Variants in ADGB observed in about 807,000 individuals in gnomAD.
The protein encoded by ADGB is androglobin, also known as calpain-7-like protein.
Under a neutral mutation model 210.5 loss-of-function variants are expected in ADGB, and 172 were observed. The observed-to-expected ratio is 0.82, with a 90% confidence interval of 0.72 to 0.93. ADGB has a LOEUF of 0.93. ADGB is among the 40% of genes least tolerant of loss of function. ADGB has a pLI of 0.00. For missense variants in ADGB, 2,025 were observed against 1,964.8 expected (o/e 1.03, Z -0.58); for synonymous variants, 658 against 662.7 (o/e 0.99, Z 0.11).
At chr6:146,694,727 A>G (rs959760616) in intron 12 of ADGB, among the ~76,000 whole-genome samples, 3 of 152,144 alleles carry the variant, frequency 2.0e-5, no homozygotes, top group African/African-American at 7.2e-5. Context: ...TTATATATGC[A>G]CCACTCCATT....
chr6:146,631,979 CA>C (rs1427921651), intron 1 of ADGB, among the ~76,000 whole-genome samples: 3 of 144,228 alleles, frequency 2.1e-5, no homozygotes, highest in African/African-American at 8.0e-5. Flanking sequence ...AAAAAAAAAA[CA>C]AAAAAAACCT....
At chr6:146,719,263 T>C (rs1409897963) in intron 16 of ADGB, among the ~76,000 whole-genome samples, 1 of 152,216 alleles carries the variant, frequency 6.6e-6, no homozygotes, top group Non-Finnish European at 1.5e-5. Flanking sequence ...GACAGTTGCA[T>C]AGAAGCTTTT....
intron 35 of ADGB, among the ~76,000 whole-genome samples, chr6:146,804,585 C>T (rs1055303942): frequency 6.6e-6 from 1 of 152,142 alleles, no homozygotes; most frequent in Admixed American, 6.5e-5. Context: ...TCCCCACGTG[C>T]GATCAATTGT....
At chr6:146,626,446 C>T (rs1354495452) in intron 1 of ADGB, among the ~76,000 whole-genome samples, 1 of 151,670 alleles carries the variant, frequency 6.6e-6, no homozygotes, top group African/African-American at 2.4e-5. Flanking sequence ...ATTGTGTTGA[C>T]TATTTTCTGC....
chr6:146,768,918 C>T (rs1386878230), intron 28 of ADGB, 102 bp from the exon 29 acceptor site: 1 of 538,956 alleles, frequency 1.9e-6, no homozygotes, highest in African/African-American at 1.9e-5. Context: ...ACTGTCTGAT[C>T]TGGAAAATTC....
intron 29 of ADGB, among the ~76,000 whole-genome samples, chr6:146,775,473 TAGA>T (rs2114637504): frequency 6.6e-6 from 1 of 152,258 alleles, no homozygotes; most frequent in Admixed American, 6.5e-5. Flanking sequence ...CTTAAGAAAA[TAGA>T]AGGCTAGAGA....
chr6:146,812,770 T>A (rs1160708600), intron 35 of ADGB, among the ~76,000 whole-genome samples: 1 of 152,192 alleles, frequency 6.6e-6, no homozygotes, highest in Non-Finnish European at 1.5e-5. Context: ...ATGCCCTTGT[T>A]TTATGGGAAC....
chr6:146,634,805 T>C (rs542552272), intron 1 of ADGB, among the ~76,000 whole-genome samples: 1 of 151,910 alleles, frequency 6.6e-6, no homozygotes, highest in Non-Finnish European at 1.5e-5. Context: ...TAAAAAATTT[T>C]AAAAATCGAC....
Position 146,692,870 on chromosome 6 carries a change from C to T in ADGB, c.1532C>T (p.Pro511Leu). ...GAACGGTTCCTTGAGATTTCAAGTC[C>T]ATTTTTGAATTATAGAATGACTCCA... is the stretch of plus-strand genomic sequence containing the variant. The part of the protein sequence containing the change: ...KPERFLEISS[P>L]FLNYRMTPFT... Residue 511 changes from proline to leucine, a missense_variant, in exon 12 of 36, where the codon CCA becomes CTA. Coordinates refer to ENST00000397944, the MANE Select transcript of ADGB (RefSeq NM_024694.4). 2 of 1,540,798 alleles carry T rather than the reference C, an allele frequency of 1.3e-6. No homozygotes were observed. The highest frequency in any genetic ancestry group is 1.8e-6 in the Non-Finnish European group (2 of 1,139,976).
intron 19 of ADGB, among the ~76,000 whole-genome samples, chr6:146,726,883 C>T (rs763682310): frequency 4.0e-4 from 61 of 152,156 alleles, no homozygotes; most frequent in Non-Finnish European, 6.3e-4. Flanking sequence ...CTTCCTTTGC[C>T]TAAGGAATCT....
At chr6:146,790,114 A>G (rs79671406) in intron 33 of ADGB, among the ~76,000 whole-genome samples, 5,998 of 152,278 alleles carry the variant, frequency 0.039, 153 homozygotes, top group Middle Eastern at 0.14. Flanking sequence ...TGATACATGT[A>G]TAGGTTATGG....
intron 16 of ADGB, among the ~76,000 whole-genome samples, chr6:146,718,615 G>T (rs1037112079): frequency 6.6e-6 from 1 of 152,204 alleles, no homozygotes; most frequent in Non-Finnish European, 1.5e-5. Flanking sequence ...GAAAAACTAT[G>T]ACACATATTC....
intron 35 of ADGB, among the ~76,000 whole-genome samples, chr6:146,809,284 CA>C (rs1778264305): frequency 1.3e-5 from 2 of 152,200 alleles, no homozygotes; most frequent in South Asian, 2.1e-4. Context: ...CGGCTCAATG[CA>C]AACCTCCGCC....
At chr6:146,654,701 G>A (rs758077762) in intron 4 of ADGB, among the ~76,000 whole-genome samples, 1 of 152,020 alleles carries the variant, frequency 6.6e-6, no homozygotes, top group Non-Finnish European at 1.5e-5. Flanking sequence ...GATATACATT[G>A]TTAAATATTC....
intron 10 of ADGB, among the ~76,000 whole-genome samples, chr6:146,686,626 C>A (rs1044097594): frequency 6.6e-6 from 1 of 151,946 alleles, no homozygotes; most frequent in Admixed American, 6.6e-5. Flanking sequence ...ATCTATTGTT[C>A]TTGGACAGAA....
At chr6:146,685,575 TTTGAGA>T (rs1239024287) in intron 9 of ADGB, among the ~76,000 whole-genome samples, 153 bp from the exon 10 acceptor site, 2 of 152,042 alleles carry the variant, frequency 1.3e-5, no homozygotes, top group Non-Finnish European at 2.9e-5. Context: ...TAGATACATC[TTTGAGA>T]TTTAACATCT....
At chr6:146,681,894 T>G (rs1166129783) in intron 9 of ADGB, among the ~76,000 whole-genome samples, 3 of 152,112 alleles carry the variant, frequency 2.0e-5, no homozygotes, top group Non-Finnish European at 4.4e-5. Flanking sequence ...TACTTTACAC[T>G]TCACACTTCT....
rs61738653 is a variant in ADGB, at chr6:146,724,237, C to T, written c.2147C>T (p.Thr716Met). The T allele has an allele frequency of 6.8e-4, 1,049 of 1,551,032 alleles. 6 individuals are homozygous for T. In the African/African-American group the frequency reaches 0.011, roughly 17 times the overall value. The stretch of plus-strand genomic sequence containing the variant: ...GAGCCTGGACTTCTCACAGCTGAAA[C>T]GTTTTCTTGGAAATCCCTGAAACCA... ...PIEPGLLTAE[T>M]FSWKSLKPGS... Residue 716 changes from threonine (T) to methionine (M), a missense_variant, in exon 18 of 36, where the codon ACG becomes ATG. Physicochemically the swap from Thr to Met is moderately conservative, Grantham distance 81 (BLOSUM62 -1). Transcript: ENST00000397944.
Position 146,706,630 on chromosome 6 carries a change from T to A in ADGB, c.1707+5560T>A, listed in dbSNP as rs147305066. 5.0e-3 allele frequency among the ~76,000 whole-genome samples: 759 copies of A among 152,282 alleles called. 6 individuals carry two copies. The highest frequency in any genetic ancestry group is 0.017 in the African/African-American group (727 of 41,560). On this transcript the variant is annotated intron_variant, in intron 13 of 35. Transcript: ENST00000397944. The stretch of plus-strand genomic sequence containing the variant: ...TTTATGATTCAGTCTTGGTAACTTG[T>A]ATAATATGTCTAGAAATTTGTTTCT...
Sources: gnomAD v4.1 joint callset for allele counts (sites outside exome capture counted in the v4.1 genomes callset) on GRCh38, gnomAD v4.1.1 for gene constraint, MANE v1.5 for transcripts, NCBI Gene and HGNC (gene_info 2026-07-23, HGNC 2026-07-21) for gene names.